Variants in MIR2052HG observed in about 807,000 individuals in gnomAD.
MIR2052HG encodes MIR2052 host gene.
intron 2 of MIR2052HG, among the ~76,000 whole-genome samples, chr8:74,691,222 G>A (rs548751057): frequency 6.6e-6 from 1 of 152,368 alleles, no homozygotes; most frequent in Non-Finnish European, 1.5e-5. Flanking sequence ...TGGCCATGAT[G>A]TGTGTTGGGT....
At chr8:74,624,490 T>C (rs757785026) in intron 2 of MIR2052HG, among the ~76,000 whole-genome samples, 2 of 152,256 alleles carry the variant, frequency 1.3e-5, no homozygotes, top group Non-Finnish European at 2.9e-5. Flanking sequence ...AGTACACAAC[T>C]GGCTCTTCCC....
intron 2 of MIR2052HG, among the ~76,000 whole-genome samples, chr8:74,618,917 G>C (rs1808322385): frequency 6.6e-6 from 1 of 152,096 alleles, no homozygotes; most frequent in Admixed American, 6.5e-5. Flanking sequence ...TACAAAAACT[G>C]TTGGAGCTAA....
intron 2 of MIR2052HG, among the ~76,000 whole-genome samples, chr8:74,629,370 C>T (rs1284425754): frequency 6.6e-6 from 1 of 151,860 alleles, no homozygotes; most frequent in African/African-American, 2.4e-5. Context: ...TTGAAACAAG[C>T]AGAGAGGGGC....
intron 2 of MIR2052HG, among the ~76,000 whole-genome samples, chr8:74,619,642 T>G (rs999853831): frequency 1.3e-5 from 2 of 152,114 alleles, no homozygotes; most frequent in African/African-American, 4.8e-5. Flanking sequence ...TATAAAACCA[T>G]AAGATCTCGT....
chr8:74,713,582 G>A (rs1433656913), intron 4 of MIR2052HG, among the ~76,000 whole-genome samples: 3 of 151,270 alleles, frequency 2.0e-5, no homozygotes, highest in African/African-American at 7.3e-5. Flanking sequence ...TCCTACTGAT[G>A]CCATTTCACA....
chr8:74,673,530 T>C lies in MIR2052HG; in HGVS notation n.217-28849T>C, dbSNP rs75666986. 6.8e-3 allele frequency among the ~76,000 whole-genome samples: 1,030 copies of C among 152,162 alleles called. 32 individuals carry two copies. The East Asian group carries it at 0.11, about 17-fold the overall frequency. ...ACATCTTATTATGCTACAGGGTAGA[T>C]GAACTGAAATGGAGGTAAATATCCT... is the stretch of plus-strand genomic sequence containing the variant. On this transcript the variant is annotated intron_variant and non_coding_transcript_variant, in intron 2 of 6. Coordinates refer to ENST00000523442, the Ensembl canonical transcript of MIR2052HG.
chr8:74,610,853 G>T (rs1198448564), intron 1 of MIR2052HG, among the ~76,000 whole-genome samples: 1 of 151,844 alleles, frequency 6.6e-6, no homozygotes, highest in East Asian at 1.9e-4. Context: ...GAATTCAAAA[G>T]AAATTATAGA....
chr8:74,694,610 A>G (rs1809277149), intron 2 of MIR2052HG, among the ~76,000 whole-genome samples: 1 of 152,234 alleles, frequency 6.6e-6, no homozygotes, highest in South Asian at 2.1e-4. Context: ...ATATGGATGG[A>G]AAAATCTCCA....
intron 4 of MIR2052HG, among the ~76,000 whole-genome samples, chr8:74,742,388 A>G (rs895528104): frequency 6.6e-6 from 1 of 152,162 alleles, no homozygotes; most frequent in African/African-American, 2.4e-5. Flanking sequence ...ATATAAACAA[A>G]CATGTTATAA....
chr8:74,742,565 A>G (rs570895908), intron 4 of MIR2052HG, among the ~76,000 whole-genome samples: 1 of 151,878 alleles, frequency 6.6e-6, no homozygotes, highest in South Asian at 2.1e-4. Flanking sequence ...CAACCACATT[A>G]AAAAAAAGAG....
At chr8:74,642,342 A>G (rs1267571087) in intron 2 of MIR2052HG, among the ~76,000 whole-genome samples, 4 of 152,150 alleles carry the variant, frequency 2.6e-5, no homozygotes, top group East Asian at 3.9e-4. Flanking sequence ...AGCTTGCTTT[A>G]TATGTGTAAT....
exon 4 of MIR2052HG, chr8:74,703,647 G>A (rs73339255): frequency 0.065 from 29,157 of 451,876 alleles, 2,702 homozygotes; most frequent in African/African-American, 0.3. Context: ...AAAATTAGGA[G>A]GAATGTTCTG....
At chr8:74,655,210 G>A (rs950806600) in intron 2 of MIR2052HG, among the ~76,000 whole-genome samples, 1 of 152,182 alleles carries the variant, frequency 6.6e-6, no homozygotes, top group African/African-American at 2.4e-5. Context: ...TTTGCAGCCT[G>A]ATGATGCAAT....
At chr8:74,655,790 A>G (rs1318433711) in intron 2 of MIR2052HG, among the ~76,000 whole-genome samples, 1 of 152,142 alleles carries the variant, frequency 6.6e-6, no homozygotes, top group Non-Finnish European at 1.5e-5. Flanking sequence ...GAGGGCCACC[A>G]TCCTTCAGAC....
At chr8:74,710,339 G>A (rs1586920390) in intron 4 of MIR2052HG, among the ~76,000 whole-genome samples, 3 of 152,146 alleles carry the variant, frequency 2.0e-5, no homozygotes, top group Admixed American at 2.0e-4. Context: ...TGCTTTATTA[G>A]TCCTTTTGTG....
chr8:74,687,104 A>C, intron 2 of MIR2052HG, among the ~76,000 whole-genome samples: 1 of 152,174 alleles, frequency 6.6e-6, no homozygotes, highest in African/African-American at 2.4e-5. Flanking sequence ...AAGATGTTCA[A>C]CATCATTAAT....
At chr8:74,642,360 T>C (rs1463801437) in intron 2 of MIR2052HG, among the ~76,000 whole-genome samples, 3 of 152,120 alleles carry the variant, frequency 2.0e-5, no homozygotes, top group Admixed American at 6.5e-5. Context: ...AATTAACCTA[T>C]TGGGACATAT....
intron 2 of MIR2052HG, among the ~76,000 whole-genome samples, chr8:74,621,805 C>A (rs1454521861): frequency 2.0e-5 from 3 of 152,104 alleles, no homozygotes; most frequent in Non-Finnish European, 2.9e-5. Flanking sequence ...GGGGAAAGGA[C>A]AATCTTTTCA....
intron 2 of MIR2052HG, among the ~76,000 whole-genome samples, chr8:74,668,232 T>C (rs1465035675): frequency 6.6e-6 from 1 of 151,916 alleles, no homozygotes; most frequent in African/African-American, 2.4e-5. Flanking sequence ...TGATACTTAT[T>C]TCTATTACAA....
Sources: allele counts gnomAD v4.1 joint callset (sites outside exome capture counted in the v4.1 genomes callset), GRCh38; gene constraint gnomAD v4.1.1; transcripts MANE v1.5; gene names NCBI Gene and HGNC (gene_info 2026-07-23, HGNC 2026-07-21).